The following ABCA13 variants were observed in gnomAD, a reference collection of about 807,000 sequenced individuals.
The protein encoded by ABCA13 is ATP-binding cassette sub-family A member 13.
Under a neutral mutation model 478.7 loss-of-function variants are expected in ABCA13, and 476 were observed. That is an observed-to-expected ratio of 0.99 (90% CI 0.92 to 1.07). ABCA13 has a LOEUF of 1.07. Among genes scored for constraint, ABCA13 ranks in the 50% least tolerant of loss-of-function variants. ABCA13 has a pLI of 0.00. For missense variants in ABCA13, 6,060 were observed against 5,910.6 expected (o/e 1.03, Z -0.83); for synonymous variants, 2,252 against 2,158.9 (o/e 1.04, Z -1.20).
Position 48,298,365 on chromosome 7 carries a change from G to A in ABCA13, c.9200-1G>A, listed in dbSNP as rs758311020. ...AATTTCTTATTTTCCTTACTTTGCA[G>A]ATGTAAAAATAAAAGATTTGATGAA... On this transcript the variant is annotated splice_acceptor_variant, in intron 22 of 61. Coordinates refer to ENST00000435803, the MANE Select transcript of ABCA13 (RefSeq NM_152701.5). LOFTEE classifies it high-confidence loss of function. The A allele has an allele frequency of 2.9e-5, 47 of 1,604,544 alleles. No individual in the cohort carries two copies. Among genetic ancestry groups the A allele is most frequent in the Non-Finnish European group, 3.8e-5 (45 of 1,176,646 alleles).
intron 30 of ABCA13, among the ~76,000 whole-genome samples, chr7:48,351,812 T>C (rs925543601): frequency 5.9e-5 from 9 of 152,340 alleles, no homozygotes; most frequent in African/African-American, 2.2e-4. Flanking sequence ...ATTTAAGTTA[T>C]GAATGATAAG....
chr7:48,379,970 G>C (rs796893370), intron 35 of ABCA13, among the ~76,000 whole-genome samples: 1 of 152,136 alleles, frequency 6.6e-6, no homozygotes, highest in African/African-American at 2.4e-5. Context: ...CTTTAAAGAC[G>C]TTGGAGATCT....
intron 3 of ABCA13, among the ~76,000 whole-genome samples, chr7:48,211,532 A>G (rs1785647964): frequency 6.6e-6 from 1 of 151,968 alleles, no homozygotes; most frequent in African/African-American, 2.4e-5. Context: ...TGATGCAGGC[A>G]CTCCCATGGT....
In ABCA13 at chr7:48,645,587, G is replaced by A. The variant is rs574788566; in HGVS notation, c.*75G>A. 2.1e-4 allele frequency: 262 copies of A among 1,236,250 alleles called. No homozygotes were observed. Among genetic ancestry groups the A allele is most frequent in the Non-Finnish European group, 2.7e-4 (237 of 871,944 alleles). 76.6% of individuals were successfully genotyped at this position (1,236,250 alleles called of 1,614,324 possible). On this transcript the variant is annotated 3_prime_UTR_variant, in exon 62 of 62. Coordinates refer to ENST00000435803, the MANE Select transcript of ABCA13 (RefSeq NM_152701.5). The stretch of plus-strand genomic sequence containing the variant: ...TAACAGTCAAGGATAAAACAAGCAC[G>A]CGCACAATCAAGGAGCTGGAACACA...
intron 54 of ABCA13, among the ~76,000 whole-genome samples, chr7:48,525,033 T>C (rs771705472): frequency 5.3e-5 from 8 of 152,206 alleles, no homozygotes; most frequent in Non-Finnish European, 1.0e-4. Context: ...AAGAGCACCT[T>C]GCATTCATAC....
Position 48,272,742 on chromosome 7 carries a change from A to T in ABCA13, c.3076A>T (p.Asn1026Tyr). 6.2e-7 allele frequency: 1 copy of T among 1,609,462 alleles called. No homozygotes were observed. Among genetic ancestry groups the T allele is most frequent in the Non-Finnish European group, 8.5e-7 (1 of 1,177,210 alleles). ...AGCAGAGGTTCTTGGGGGAATTTCT[A>T]ATGTATCTTACTGTCAGCAATTGCT... is the stretch of plus-strand genomic sequence containing the variant. Reference protein sequence around the residue: ...KTAEVLGGISNVSYCQQLLSI... With the variant: ...KTAEVLGGISYVSYCQQLLSI... Residue 1026 changes from asparagine to tyrosine, a missense_variant, in exon 17 of 62, where the codon AAT becomes TAT. Transcript: ENST00000435803.
chr7:48,565,413 C>T (rs1169640877), intron 55 of ABCA13, among the ~76,000 whole-genome samples: 4 of 151,864 alleles, frequency 2.6e-5, no homozygotes, highest in Admixed American at 6.6e-5. Context: ...ACTGAAGTCC[C>T]GAAATGAATG....
chr7:48,192,734 A>G (rs1797266847), intron 1 of ABCA13, among the ~76,000 whole-genome samples: 1 of 152,192 alleles, frequency 6.6e-6, no homozygotes, highest in South Asian at 2.1e-4. Context: ...GTGCAGAAAA[A>G]GGAAAGAAGC....
At chr7:48,445,297 C>T (rs1824148971) in intron 42 of ABCA13, among the ~76,000 whole-genome samples, 1 of 152,222 alleles carries the variant, frequency 6.6e-6, no homozygotes, top group African/African-American at 2.4e-5. Context: ...GCATGAGCCA[C>T]TGTGCCCGGC....
intron 38 of ABCA13, among the ~76,000 whole-genome samples, chr7:48,394,785 C>G (rs948008593): frequency 6.6e-6 from 1 of 151,842 alleles, no homozygotes; most frequent in African/African-American, 2.4e-5. Flanking sequence ...TTTGGTGCAC[C>G]CATCGCTTGA....
intron 3 of ABCA13, among the ~76,000 whole-genome samples, chr7:48,212,316 T>C (rs1785788339): frequency 6.6e-6 from 1 of 152,184 alleles, no homozygotes. Flanking sequence ...TGCCTGGGAT[T>C]GAGTGAGGAG....
chr7:48,306,055 C>T (rs1800855226), intron 23 of ABCA13, among the ~76,000 whole-genome samples: 1 of 152,194 alleles, frequency 6.6e-6, no homozygotes. Context: ...TCCCCTCCTA[C>T]CTACTCTCAA....
At chr7:48,498,323 C>G (rs1388096707) in intron 48 of ABCA13, among the ~76,000 whole-genome samples, 3 of 152,056 alleles carry the variant, frequency 2.0e-5, no homozygotes, top group African/African-American at 7.2e-5. Context: ...TTTTGGGAGC[C>G]TTTCTTATTT....
chr7:48,183,179 C>T (rs1443162244), intron 1 of ABCA13, among the ~76,000 whole-genome samples: 1 of 152,094 alleles, frequency 6.6e-6, no homozygotes, highest in Non-Finnish European at 1.5e-5. Context: ...TTGAAAGGCT[C>T]TCTTTCTTTC....
At chr7:48,304,636 G>T (rs987536540) in intron 23 of ABCA13, among the ~76,000 whole-genome samples, 2 of 152,032 alleles carry the variant, frequency 1.3e-5, no homozygotes, top group Non-Finnish European at 2.9e-5. Flanking sequence ...GGATGAGAGG[G>T]GGAAAAAGAG....
Position 48,645,950 on chromosome 7 carries a change from T to C in ABCA13, c.*438T>C, listed in dbSNP as rs1281980648. The C allele has an allele frequency of 1.2e-5, 2 of 163,562 alleles. No individual in the cohort carries two copies. Among genetic ancestry groups the C allele is most frequent in the African/African-American group, 4.8e-5 (2 of 41,466 alleles). 10.1% of individuals were successfully genotyped at this position (163,562 alleles called of 1,614,324 possible). ...TTTAGTAACTTGTTTGTATAGAAAA[T>C]AGTAACAAGGACTATTTTCTATTGT... On this transcript the variant is annotated 3_prime_UTR_variant, in exon 62 of 62. Transcript: ENST00000435803.
rs1360400648 is a variant in ABCA13, at chr7:48,338,513, G to A, written c.10204+58G>A. On this transcript the variant is annotated intron_variant, in intron 29 of 61. Transcript: ENST00000435803. ...CTGCCCATATGGCTCTGCCACTTGG[G>A]TGGGTCCTCCCCCTTGGGCCATGGC... 7.8e-6 allele frequency: 11 copies of A among 1,408,978 alleles called. No individual in the cohort carries two copies. The South Asian group carries it at 1.1e-4, about 14-fold the overall frequency. The allele number at this position is 1,408,978 out of a possible 1,614,324, so 87.3% of individuals were successfully genotyped here.
intron 31 of ABCA13, among the ~76,000 whole-genome samples, chr7:48,363,354 T>C (rs1018870716): frequency 6.6e-6 from 1 of 152,176 alleles, no homozygotes; most frequent in African/African-American, 2.4e-5. Flanking sequence ...TTTATATAAC[T>C]TGGTAATTTT....
intron 38 of ABCA13, among the ~76,000 whole-genome samples, chr7:48,401,587 T>C (rs1199431149): frequency 6.6e-6 from 1 of 152,192 alleles, no homozygotes. Context: ...TTGATGCCCC[T>C]ACCTTTATAC....
Sources: gnomAD v4.1 joint callset for allele counts (sites outside exome capture counted in the v4.1 genomes callset) on GRCh38, gnomAD v4.1.1 for gene constraint, MANE v1.5 for transcripts, NCBI Gene and HGNC (gene_info 2026-07-23, HGNC 2026-07-21) for gene names.